DPP10: variants seen among roughly 807,000 people sequenced by gnomAD.
DPP10 encodes inactive dipeptidyl peptidase 10.
DPP10 carries 33 observed loss-of-function variants against 120.9 expected under a neutral mutation model. The ratio of observed to expected loss-of-function variants is 0.27; its 90% confidence interval spans 0.21 to 0.37. The LOEUF is 0.37. Among genes scored for constraint, DPP10 ranks in the 10% least tolerant of loss-of-function variants. The pLI is 1.00. For missense variants in DPP10, 816 were observed against 942.8 expected (o/e 0.87, Z 1.76); for synonymous variants, 337 against 326.1 (o/e 1.03, Z -0.36).
At chr2:114,526,444 A>G (rs1237055827) in intron 1 of DPP10, among the ~76,000 whole-genome samples, 1 of 152,236 alleles carries the variant, frequency 6.6e-6, no homozygotes, top group Non-Finnish European at 1.5e-5. Context: ...AGAGGATCAG[A>G]CATTACAAAA....
At chr2:115,245,928 A>AT (rs1357344955) in intron 1 of DPP10, among the ~76,000 whole-genome samples, 2 of 152,042 alleles carry the variant, frequency 1.3e-5, no homozygotes, top group Non-Finnish European at 2.9e-5. Context: ...CAGCTTGTAC[A>AT]TTTTTTTAAA....
chr2:115,024,235 A>G (rs1413168222), intron 1 of DPP10, among the ~76,000 whole-genome samples: 2 of 152,168 alleles, frequency 1.3e-5, no homozygotes, highest in Non-Finnish European at 2.9e-5. Flanking sequence ...TATAGACAGC[A>G]TATAGTTGAG....
chr2:115,689,982 A>G (rs2091222742), intron 7 of DPP10, 61 bp downstream of exon 7: 1 of 1,519,948 alleles, frequency 6.6e-7, no homozygotes, highest in Admixed American at 2.1e-5. Context: ...GAAGATGTTA[A>G]CTGAAACTTT....
chr2:115,798,458 AT>A (rs948258398), intron 19 of DPP10, among the ~76,000 whole-genome samples: 26 of 152,144 alleles, frequency 1.7e-4, no homozygotes, highest in African/African-American at 6.3e-4. Context: ...TTATTCCAGG[AT>A]TTTTTAAATA....
intron 4 of DPP10, among the ~76,000 whole-genome samples, chr2:115,502,055 A>G (rs1437707933): frequency 1.3e-5 from 2 of 152,110 alleles, no homozygotes; most frequent in East Asian, 1.9e-4. Flanking sequence ...GGCCTGTTCT[A>G]TAGTAAGACA....
At chr2:114,831,069 C>G (rs1344582974) in intron 1 of DPP10, among the ~76,000 whole-genome samples, 2 of 53,792 alleles carry the variant, frequency 3.7e-5, no homozygotes, top group East Asian at 1.2e-3. Flanking sequence ...GCTAAATTTT[C>G]AAAGAACATC....
intron 1 of DPP10, among the ~76,000 whole-genome samples, chr2:115,190,872 G>C (rs1366854122): frequency 6.6e-6 from 1 of 152,176 alleles, no homozygotes; most frequent in East Asian, 1.9e-4. Flanking sequence ...TTTGTGTCCT[G>C]ATATCCTGTT....
At chr2:115,501,306 A>T (rs1240244871) in intron 4 of DPP10, among the ~76,000 whole-genome samples, 1 of 152,048 alleles carries the variant, frequency 6.6e-6, no homozygotes, top group African/African-American at 2.4e-5. Context: ...TCCATGATAC[A>T]TCAAAAAAGA....
chr2:115,735,479 C>A (rs1559089953), intron 8 of DPP10, among the ~76,000 whole-genome samples: 1 of 151,916 alleles, frequency 6.6e-6, no homozygotes, highest in Non-Finnish European at 1.5e-5. Flanking sequence ...GTGGATCAGG[C>A]CAAAATTTCA....
chr2:114,546,441 C>T (rs1183278666), intron 1 of DPP10, among the ~76,000 whole-genome samples: 2 of 152,218 alleles, frequency 1.3e-5, no homozygotes, highest in Non-Finnish European at 2.9e-5. Context: ...CAATCAGCCT[C>T]TGACCAGGCC....
At chr2:115,496,695 A>T (rs2076411581) in intron 3 of DPP10, among the ~76,000 whole-genome samples, 1 of 152,068 alleles carries the variant, frequency 6.6e-6, no homozygotes. Flanking sequence ...TCAATTTAAA[A>T]TTCTGCATTG....
intron 1 of DPP10, among the ~76,000 whole-genome samples, chr2:114,613,508 C>A (rs543440393): frequency 2.5e-4 from 38 of 152,276 alleles, no homozygotes; most frequent in African/African-American, 8.4e-4. Context: ...TGCTTTTACA[C>A]TGTTGGTGGG....
chr2:115,552,152 A>T (rs1039935836), intron 5 of DPP10, among the ~76,000 whole-genome samples: 1 of 152,144 alleles, frequency 6.6e-6, no homozygotes, highest in African/African-American at 2.4e-5. Flanking sequence ...AGTACTACCT[A>T]GGTGACTTTA....
Position 114,865,979 on chromosome 2 carries a change from G to T in DPP10, c.60+423141G>T, listed in dbSNP as rs148818978. On this transcript the variant is annotated intron_variant, in intron 1 of 25. Transcript: ENST00000410059. ...AATACAAAATTAGCCGGGCGTGGTC[G>T]TGCATGCCTATAAACCCAGCTACTC... Among the ~76,000 whole-genome samples, 985 of 152,082 alleles carry T rather than the reference G, an allele frequency of 6.5e-3. 15 individuals are homozygous for T. The highest frequency in any genetic ancestry group is 0.023 in the African/African-American group (945 of 41,482).
chr2:115,576,182 A>G (rs576325229), intron 5 of DPP10, among the ~76,000 whole-genome samples: 86 of 152,358 alleles, frequency 5.6e-4, no homozygotes, highest in Non-Finnish European at 1.1e-3. Flanking sequence ...TGAGCTATCA[A>G]AAACATTGAT....
At chr2:115,336,229 A>T (rs1368821511) in intron 2 of DPP10, among the ~76,000 whole-genome samples, 1 of 152,080 alleles carries the variant, frequency 6.6e-6, no homozygotes, top group Admixed American at 6.6e-5. Flanking sequence ...AAGAAAGAAC[A>T]GAAATACCCA....
intron 1 of DPP10, among the ~76,000 whole-genome samples, chr2:115,166,204 T>A (rs545799705): frequency 6.6e-6 from 1 of 152,280 alleles, no homozygotes; most frequent in Non-Finnish European, 1.5e-5. Context: ...TTCTTCCATG[T>A]GCCCTTTGCT....
At chr2:115,470,894 G>A (rs1011025831) in intron 3 of DPP10, among the ~76,000 whole-genome samples, 6 of 151,888 alleles carry the variant, frequency 4.0e-5, no homozygotes, top group African/African-American at 1.2e-4. Flanking sequence ...TTATTTTACT[G>A]CCCTCATGAC....
At chr2:115,745,289 C>T (rs909964333) in intron 9 of DPP10, among the ~76,000 whole-genome samples, 4 of 150,690 alleles carry the variant, frequency 2.7e-5, no homozygotes, top group Middle Eastern at 3.4e-3. Context: ...TTATATCTTA[C>T]GACTGTAGTA....
Sources: gnomAD v4.1 joint callset for allele counts (sites outside exome capture counted in the v4.1 genomes callset) on GRCh38, gnomAD v4.1.1 for gene constraint, MANE v1.5 for transcripts, NCBI Gene and HGNC (gene_info 2026-07-23, HGNC 2026-07-21) for gene names.